Variants in TRPM3 observed in about 807,000 individuals in gnomAD.
The protein encoded by TRPM3 is long transient receptor potential channel 3.
Under a neutral mutation model 181.2 loss-of-function variants are expected in TRPM3, and 77 were observed. The observed-to-expected ratio is 0.42, with a 90% CI of 0.35 to 0.51. The LOEUF (loss-of-function observed/expected upper bound fraction) is 0.51, where lower values mean the gene tolerates loss of function less well. Among genes scored for constraint, TRPM3 ranks in the 20% least tolerant of loss-of-function variants. The probability of loss-of-function intolerance (pLI) is 0.01; values close to 1 mark genes in which losing one functional copy is unlikely to be tolerated. For synonymous variants in TRPM3, 745 were observed against 796.4 expected (o/e 0.94, Z 1.09); for missense variants, 1,759 against 2,196.7 (o/e 0.80, Z 3.98).
chr9:70,653,039 G>T (rs1248948691), intron 9 of TRPM3, among the ~76,000 whole-genome samples: 1 of 152,162 alleles, frequency 6.6e-6, no homozygotes, highest in Non-Finnish European at 1.5e-5. Flanking sequence ...ACAGCAGAAG[G>T]GGGAAAAGCC....
chr9:70,908,848 G>A (rs2096502668), intron 1 of TRPM3, among the ~76,000 whole-genome samples: 1 of 152,206 alleles, frequency 6.6e-6, no homozygotes, highest in Non-Finnish European at 1.5e-5. Context: ...CTTGATATAT[G>A]AGCAAAGTGA....
intron 1 of TRPM3, among the ~76,000 whole-genome samples, chr9:70,977,044 T>C (rs1029390117): frequency 2.6e-5 from 4 of 152,224 alleles, no homozygotes; most frequent in African/African-American, 4.8e-5. Flanking sequence ...GTAAAAAATA[T>C]TTAAGAAACA....
intron 1 of TRPM3, among the ~76,000 whole-genome samples, chr9:71,183,723 T>C (rs1293748287): frequency 1.3e-5 from 2 of 152,124 alleles, no homozygotes; most frequent in Non-Finnish European, 2.9e-5. Flanking sequence ...AACTGCTCTC[T>C]GAACATACTA....
chr9:70,991,898 G>C (rs996187315), intron 1 of TRPM3, among the ~76,000 whole-genome samples: 1 of 152,106 alleles, frequency 6.6e-6, no homozygotes, highest in Non-Finnish European at 1.5e-5. Flanking sequence ...TGTGTTCTGG[G>C]CATGCTGTTC....
intron 1 of TRPM3, among the ~76,000 whole-genome samples, chr9:71,259,660 T>A (rs866961648): frequency 2.9e-4 from 44 of 152,350 alleles, no homozygotes; most frequent in African/African-American, 1.0e-3. Flanking sequence ...GAGCCTTTTT[T>A]TTTGCATGTT....
intron 1 of TRPM3, among the ~76,000 whole-genome samples, chr9:71,296,988 C>CTTTTTTTTTTTT (rs398010878): frequency 1.0e-5 from 1 of 97,872 alleles, no homozygotes; most frequent in African/African-American, 3.8e-5. Flanking sequence ...TGAATCTTTT[C>CTTTTTTTTTTTT]TTTTTTTTTT....
Position 71,073,206 on chromosome 9 carries a change from G to A in TRPM3, c.177+47972C>T, listed in dbSNP as rs188703878. Among the ~76,000 whole-genome samples, 38 of 152,250 alleles carry A rather than the reference G, an allele frequency of 2.5e-4. 1 individual carries two copies. In the East Asian group the frequency reaches 4.8e-3, roughly 19 times the overall value. ...AATAATACTAAAACTTCGAACAGAA[G>A]ACTATAAAAGCAGAAATCAAGTCAT... On this transcript the variant is annotated intron_variant, in intron 1 of 25. Transcript: ENST00000677713.
intron 1 of TRPM3, among the ~76,000 whole-genome samples, chr9:71,155,376 G>A (rs1040794283): frequency 6.6e-6 from 1 of 151,858 alleles, no homozygotes. Flanking sequence ...GGAGTGCAAT[G>A]GTATGATCTC....
chr9:71,310,018 T>C lies in TRPM3; in HGVS notation c.183+136635A>G, dbSNP rs189787275. On this transcript the variant is annotated intron_variant, in intron 1 of 24. Transcript: ENST00000357533. The stretch of plus-strand genomic sequence containing the variant: ...AACAGGTGTAACATATTAAGGCAGA[T>C]AGCAAAAATCCTAAACTATGAATAT... Among the ~76,000 whole-genome samples, 138 of 152,198 alleles carry C rather than the reference T, an allele frequency of 9.1e-4. 1 individual carries two copies. Among genetic ancestry groups the C allele is most frequent in the Non-Finnish European group, 1.5e-3 (100 of 67,952 alleles).
intron 1 of TRPM3, among the ~76,000 whole-genome samples, chr9:71,069,367 C>G (rs1183102666): frequency 5.3e-5 from 8 of 152,052 alleles, no homozygotes; most frequent in Admixed American, 5.2e-4. Context: ...TTAGTAGAGT[C>G]AGGGTTTCAC....
chr9:70,909,500 T>C (rs552903633), intron 1 of TRPM3, among the ~76,000 whole-genome samples: 1 of 152,162 alleles, frequency 6.6e-6, no homozygotes, highest in Admixed American at 6.5e-5. Context: ...TGGGGAGCCC[T>C]AGGCAGCCAG....
intron 7 of TRPM3, among the ~76,000 whole-genome samples, chr9:70,764,641 A>G (rs976005391): frequency 2.0e-5 from 3 of 152,214 alleles, no homozygotes; most frequent in African/African-American, 7.2e-5. Context: ...TAGATCATTT[A>G]GTGACAAGAA....
At chr9:71,200,549 G>A (rs1166777166) in intron 1 of TRPM3, among the ~76,000 whole-genome samples, 1 of 152,078 alleles carries the variant, frequency 6.6e-6, no homozygotes, top group Non-Finnish European at 1.5e-5. Flanking sequence ...TTATGAATCT[G>A]GGTGCTCCTG....
intron 1 of TRPM3, among the ~76,000 whole-genome samples, chr9:71,301,957 C>T (rs1307195284): frequency 1.3e-5 from 2 of 151,972 alleles, no homozygotes; most frequent in East Asian, 3.9e-4. Flanking sequence ...TCTGATTATC[C>T]TCCTTCAAAT....
intron 1 of TRPM3, among the ~76,000 whole-genome samples, chr9:71,365,634 T>G (rs553384642): frequency 1.4e-4 from 21 of 152,276 alleles, no homozygotes; most frequent in Non-Finnish European, 2.6e-4. Flanking sequence ...TCCCTCCTTA[T>G]TATATTGGGG....
At chr9:71,444,954 T>C (rs532436865) in intron 1 of TRPM3, among the ~76,000 whole-genome samples, 1 of 152,348 alleles carries the variant, frequency 6.6e-6, no homozygotes, top group South Asian at 2.1e-4. Flanking sequence ...AACTGGTTTT[T>C]AACTGAATTA....
intron 1 of TRPM3, among the ~76,000 whole-genome samples, chr9:71,409,765 A>G (rs1435285181): frequency 6.6e-6 from 1 of 152,194 alleles, no homozygotes; most frequent in African/African-American, 2.4e-5. Context: ...GACCTAAGAG[A>G]CATCTACAAA....
At chr9:71,245,575 G>C (rs1467047578) in intron 1 of TRPM3, among the ~76,000 whole-genome samples, 2 of 152,144 alleles carry the variant, frequency 1.3e-5, no homozygotes, top group Non-Finnish European at 2.9e-5. Context: ...ACTAAGCTGA[G>C]AGAATTTATA....
chr9:70,931,909 G>A (rs1319744975), intron 1 of TRPM3, among the ~76,000 whole-genome samples: 1 of 152,190 alleles, frequency 6.6e-6, no homozygotes, highest in Non-Finnish European at 1.5e-5. Context: ...TTACCAATAT[G>A]TTGAATGCTA....
Sources: gnomAD v4.1 joint callset for allele counts (sites outside exome capture counted in the v4.1 genomes callset) on GRCh38, gnomAD v4.1.1 for gene constraint, MANE v1.5 for transcripts, NCBI Gene and HGNC (gene_info 2026-07-23, HGNC 2026-07-21) for gene names.